The following OSTM1 variants were observed in gnomAD, a reference collection of about 807,000 sequenced individuals.
The protein encoded by OSTM1 is osteopetrosis-associated transmembrane protein 1.
In OSTM1, 26 loss-of-function variants were observed where a neutral mutation model predicts 35.4. The ratio of observed to expected loss-of-function variants is 0.73; its 90% CI spans 0.54 to 1.02. The LOEUF (loss-of-function observed/expected upper bound fraction) is 1.02, where lower values mean the gene tolerates loss of function less well. OSTM1 is among the 50% of genes least tolerant of loss of function. The pLI is 0.00. For missense variants in OSTM1, 366 were observed against 409.6 expected (o/e 0.89, Z 0.92); for synonymous variants, 181 against 165.0 (o/e 1.10, Z -0.75).
chr6:108,071,460 A>ATTTTTTTTTTTTT (rs545759140), intron 1 of OSTM1, among the ~76,000 whole-genome samples: 105 of 103,420 alleles, frequency 1.0e-3, no homozygotes, highest in East Asian at 2.5e-3. Context: ...CACCCGGCTA[A>ATTTTTTTTTTTTT]TTTTTTTTTT....
At chr6:108,059,535 T>A (rs1404140252) in intron 2 of OSTM1, among the ~76,000 whole-genome samples, 1 of 152,222 alleles carries the variant, frequency 6.6e-6, no homozygotes, top group Non-Finnish European at 1.5e-5. Context: ...ATGCCACCCC[T>A]ATTTCAAGCT....
chr6:108,054,055 T>C (rs1448784601), intron 3 of OSTM1, among the ~76,000 whole-genome samples: 8 of 152,218 alleles, frequency 5.3e-5, no homozygotes, highest in Admixed American at 3.9e-4. Context: ...CTCAAAGTTA[T>C]CTTACTAAAC....
chr6:108,063,783 G>A (rs1772330082), intron 2 of OSTM1, among the ~76,000 whole-genome samples: 1 of 152,146 alleles, frequency 6.6e-6, no homozygotes. Flanking sequence ...GTCAGGCATT[G>A]AGCTAAGTGC....
intron 2 of OSTM1, among the ~76,000 whole-genome samples, chr6:108,061,223 C>T (rs551964930): frequency 1.3e-5 from 2 of 151,964 alleles, no homozygotes; most frequent in Admixed American, 6.6e-5. Flanking sequence ...AGTATACTGA[C>T]AAGGGAAAAA....
chr6:108,059,994 G>A (rs1033625671), intron 2 of OSTM1, among the ~76,000 whole-genome samples: 1 of 152,160 alleles, frequency 6.6e-6, no homozygotes, highest in Non-Finnish European at 1.5e-5. Flanking sequence ...CATATTAAAT[G>A]TATATGGCAT....
At chr6:108,074,051 A>G (rs1772537098) in intron 1 of OSTM1, among the ~76,000 whole-genome samples, 199 bp downstream of exon 1, 1 of 152,158 alleles carries the variant, frequency 6.6e-6, no homozygotes, top group Non-Finnish European at 1.5e-5. Flanking sequence ...GATGTCCAAC[A>G]GCATTCTTGG....
chr6:108,064,287 T>G lies in OSTM1; in HGVS notation c.415A>C (p.Ser139Arg). 6.5e-7 allele frequency: 1 copy of G among 1,542,022 alleles called. No homozygotes were observed. The highest frequency in any genetic ancestry group is 1.7e-5 in the Admixed American group (1 of 59,932). The change falls in exon 2 of 6, where the codon AGT becomes CGT. Residue 139 changes from serine to arginine, a missense_variant. By Grantham distance (110) the Ser-to-Arg change is moderately radical. Around this residue, in one of 3 missense-constraint regions of OSTM1, gnomAD observed 236 missense variants for 239.3 expected, o/e 0.99. Transcript: ENST00000193322. Reference protein sequence around the residue: ...ISRAAGNTSESQSCARSLLMA... With the variant: ...ISRAAGNTSERQSCARSLLMA... ...AAGAGACTTCTGGCACAACTCTGAC[T>G]CTCTGAAGTATTCTGTAACAAAAAG... is the stretch of plus-strand genomic sequence containing the variant.
intron 5 of OSTM1, among the ~76,000 whole-genome samples, chr6:108,047,224 A>C (rs1209603593): frequency 6.6e-6 from 1 of 152,228 alleles, no homozygotes; most frequent in African/African-American, 2.4e-5. Flanking sequence ...TTGAGCAAGT[A>C]ACTTTAGAGC....
intron 1 of OSTM1, among the ~76,000 whole-genome samples, chr6:108,072,949 C>T (rs1371788197): frequency 1.3e-5 from 2 of 152,076 alleles, no homozygotes; most frequent in East Asian, 3.9e-4. Flanking sequence ...GCTGGGACTA[C>T]AGGCACGTGC....
chr6:108,074,528 C>T lies in OSTM1; in HGVS notation c.124G>A (p.Val42Ile), dbSNP rs373333896. 11 of 1,557,938 alleles carry T rather than the reference C, an allele frequency of 7.1e-6. No individual in the cohort carries two copies. The African/African-American group carries it at 1.2e-4, about 17-fold the overall frequency. ...TGCTCCGACAGGAGGTCGTGGAAGA[C>T]CCTGTGCGGACTGCTGCCGAAGGGG... Reference protein sequence around the residue: ...ALPFGSSPHRVFHDLLSEQQL... With the variant: ...ALPFGSSPHRIFHDLLSEQQL... The change falls in exon 1 of 6, where the codon GTC (valine) becomes ATC (isoleucine). Residue 42 changes from valine (V) to isoleucine (I), a missense_variant. Around this residue, in one of 3 missense-constraint regions of OSTM1, gnomAD observed 236 missense variants for 239.3 expected, o/e 0.99. Transcript: ENST00000193322.
At chr6:108,070,322 A>G (rs1298833869) in intron 1 of OSTM1, among the ~76,000 whole-genome samples, 1 of 152,122 alleles carries the variant, frequency 6.6e-6, no homozygotes, top group Non-Finnish European at 1.5e-5. Context: ...TACAGGCATG[A>G]GCCACTGCAT....
rs915471109 is a variant in OSTM1 at position 108,074,727 on chromosome 6, C to T, written c.-76G>A. On this transcript the variant is annotated 5_prime_UTR_variant, in exon 1 of 6. Coordinates refer to ENST00000193322, the MANE Select transcript of OSTM1 (RefSeq NM_014028.4). ...CCGGCACCGCGGACAGCCGCCGCTTCCGGTTTCCGCGAGCGCAGGCCGAGA... is the reference window on the plus strand; with the variant it reads ...CCGGCACCGCGGACAGCCGCCGCTTTCGGTTTCCGCGAGCGCAGGCCGAGA... 6.1e-5 allele frequency: 86 copies of T among 1,406,716 alleles called. No homozygotes were observed. Among genetic ancestry groups the T allele is most frequent in the Non-Finnish European group, 7.8e-5 (85 of 1,082,882 alleles). The allele number at this position is 1,406,716 out of a possible 1,614,324, so 87.1% of individuals were successfully genotyped here.
chr6:108,046,206 G>C (rs149944810), intron 5 of OSTM1, among the ~76,000 whole-genome samples: 4 of 124,382 alleles, frequency 3.2e-5, no homozygotes, highest in Admixed American at 8.5e-5. Context: ...ATTTTTAGTA[G>C]AGACAGGATT....
intron 1 of OSTM1, chr6:108,073,553 A>G (rs1215221816): frequency 1.3e-5 from 2 of 152,230 alleles, no homozygotes; most frequent in East Asian, 1.9e-4. Context: ...AGGTATTACT[A>G]TGTGTTGTTT....
chr6:108,069,124 A>G (rs184143121), intron 1 of OSTM1, among the ~76,000 whole-genome samples: 1 of 152,334 alleles, frequency 6.6e-6, no homozygotes, highest in Admixed American at 6.5e-5. Context: ...ATGCATTGGT[A>G]GCATCTGGGT....
intron 2 of OSTM1, among the ~76,000 whole-genome samples, chr6:108,063,208 G>C (rs960069853): frequency 2.6e-5 from 4 of 151,860 alleles, no homozygotes; most frequent in African/African-American, 9.7e-5. Context: ...TTGTAGAGAT[G>C]GGGGTCTCAC....
intron 1 of OSTM1, among the ~76,000 whole-genome samples, chr6:108,064,589 T>G (rs1483287930): frequency 6.6e-6 from 1 of 152,220 alleles, no homozygotes; most frequent in Non-Finnish European, 1.5e-5. Context: ...AAGAAACTCA[T>G]GCTATGCAAA....
intron 1 of OSTM1, among the ~76,000 whole-genome samples, chr6:108,067,997 C>T (rs1772410858): frequency 6.6e-6 from 1 of 152,144 alleles, no homozygotes; most frequent in Admixed American, 6.5e-5. Context: ...CCCTGTTCAA[C>T]CCACTCTGAT....
chr6:108,048,201 C>G (rs3800220), intron 5 of OSTM1, among the ~76,000 whole-genome samples: 6,193 of 152,102 alleles, frequency 0.041, 435 homozygotes, highest in Admixed American at 0.19. Context: ...AAGTAGTGAT[C>G]GAAATTTATA....
Sources: allele counts gnomAD v4.1 joint callset (sites outside exome capture counted in the v4.1 genomes callset), GRCh38; gene constraint gnomAD v4.1.1; regional missense constraint gnomAD v4.1.1; transcripts MANE v1.5; gene names NCBI Gene and HGNC (gene_info 2026-07-23, HGNC 2026-07-21).